Variants in RAI14 observed in about 807,000 individuals in gnomAD.
RAI14 encodes ankycorbin.
Under a neutral mutation model 115.4 loss-of-function variants are expected in RAI14, and 45 were observed. The ratio of observed to expected loss-of-function variants is 0.39; its 90% CI spans 0.31 to 0.50. RAI14 has a LOEUF of 0.50. Among genes scored for constraint, RAI14 ranks in the 20% least tolerant of loss-of-function variants. The pLI, the probability that RAI14 is intolerant of heterozygous loss-of-function variation, is 0.85. For missense variants in RAI14, 939 were observed against 1,131.2 expected (o/e 0.83, Z 2.44); for synonymous variants, 371 against 415.4 (o/e 0.89, Z 1.30).
Position 34,823,304 on chromosome 5 carries a change from A to G in RAI14, c.1462A>G (p.Thr488Ala). 2 of 1,613,980 alleles carry G rather than the reference A, an allele frequency of 1.2e-6. No individual in the cohort carries two copies. ...TGACCTCAGCCAGAAACTTAAAGAAACTCAGAGCAAATACGAGGAGGCTAT... is the reference window on the plus strand; with the variant it reads ...TGACCTCAGCCAGAAACTTAAAGAAGCTCAGAGCAAATACGAGGAGGCTAT... ...SSDLSQKLKETQSKYEEAMKE... is the reference protein window; with the variant it reads ...SSDLSQKLKEAQSKYEEAMKE... The change falls in exon 15 of 18, where the codon ACT (threonine) becomes GCT (alanine). Residue 488 changes from threonine (T) to alanine (A), a missense_variant. Coordinates refer to ENST00000265109, the MANE Select transcript of RAI14 (RefSeq NM_015577.3). This position sits in a 1 kb window ranked among gnomAD's most constrained non-coding sequence, Gnocchi z 4.5.
chr5:34,782,508 C>G (rs1315312305), intron 3 of RAI14, among the ~76,000 whole-genome samples: 2 of 152,218 alleles, frequency 1.3e-5, no homozygotes, highest in African/African-American at 4.8e-5. Flanking sequence ...GCATTAAGTT[C>G]AGGTGTGCCT....
At position 34,680,341 on chromosome 5, in the gene RAI14, C is replaced by G. The variant is rs141410285; in HGVS notation, c.-48-6531C>G. 3.9e-5 allele frequency among the ~76,000 whole-genome samples: 6 copies of G among 152,252 alleles called. No individual in the cohort carries two copies. The East Asian group carries it at 1.2e-3, about 29-fold the overall frequency. On this transcript the variant is annotated intron_variant, in intron 1 of 17. Coordinates refer to ENST00000265109, the MANE Select transcript of RAI14 (RefSeq NM_015577.3). ...AAGCCCAAGGACATGGTGCTGGTCCCTAGCAAGGGACATCTGGTGGCATAA... is the reference window on the plus strand; with the variant it reads ...AAGCCCAAGGACATGGTGCTGGTCCGTAGCAAGGGACATCTGGTGGCATAA...
intron 3 of RAI14, among the ~76,000 whole-genome samples, chr5:34,793,850 G>T (rs1753205532): frequency 6.6e-6 from 1 of 151,978 alleles, no homozygotes; most frequent in Non-Finnish European, 1.5e-5. Flanking sequence ...TCAATTTTAG[G>T]GCTTAGTAAT....
intron 3 of RAI14, among the ~76,000 whole-genome samples, chr5:34,788,839 C>T (rs1335400325): frequency 1.3e-5 from 2 of 152,082 alleles, no homozygotes; most frequent in East Asian, 3.9e-4. Context: ...CATGGTGGCA[C>T]ATACCTGTAA....
intron 7 of RAI14, among the ~76,000 whole-genome samples, chr5:34,808,952 T>A (rs971711066): frequency 6.6e-6 from 1 of 152,186 alleles, no homozygotes; most frequent in African/African-American, 2.4e-5. Context: ...TTATAGGCAG[T>A]ACTGCTCACT....
At position 34,796,014 on chromosome 5, in the gene RAI14, C is replaced by T. The variant is rs771943064; in HGVS notation, c.243C>T (p.Ala81=). 6.2e-7 allele frequency: 1 copy of T among 1,610,078 alleles called. No homozygotes were observed. The highest frequency in any genetic ancestry group is 8.5e-7 in the Non-Finnish European group (1 of 1,176,780). Residue 81 remains alanine, a synonymous_variant, in exon 4 of 18, where the codon GCC becomes GCT. Coordinates refer to ENST00000265109, the MANE Select transcript of RAI14 (RefSeq NM_015577.3). ...TTACACATGGTGTGGATGTGACAGC[C>T]CAAGATACTACCGGTATGTGGTTTT... ...VMITHGVDVT[A]QDTTGHSALH...
intron 2 of RAI14, among the ~76,000 whole-genome samples, chr5:34,704,831 AAG>A: frequency 6.6e-6 from 1 of 152,356 alleles, no homozygotes; most frequent in Non-Finnish European, 1.5e-5. Context: ...AAGTTGGAAA[AAG>A]AAATACTCTT....
Position 34,823,275 on chromosome 5 carries a change from G to A in RAI14, c.1433G>A (p.Ser478Asn). The A allele has an allele frequency of 6.2e-7, 1 of 1,613,822 alleles. No homozygotes were observed. Among genetic ancestry groups the A allele is most frequent in the Non-Finnish European group, 8.5e-7 (1 of 1,179,958 alleles). ...AACAACACTGAGATTTCAGAGAACA[G>A]CTCTGACCTCAGCCAGAAACTTAAA... ...CLNNTEISEN[S>N]SDLSQKLKET... Residue 478 changes from serine to asparagine, a missense_variant, in exon 15 of 18, where the codon AGC (serine) becomes AAC (asparagine). Ser to Asn is a conservative substitution (Grantham distance 46, BLOSUM62 1). Coordinates refer to ENST00000265109, the MANE Select transcript of RAI14 (RefSeq NM_015577.3). The surrounding 1 kb of genome is among the most constrained non-coding windows in gnomAD (Gnocchi z 4.5).
intron 2 of RAI14, among the ~76,000 whole-genome samples, chr5:34,720,401 ATTTTTTTTTTTT>A (rs35380327): frequency 3.7e-5 from 3 of 80,230 alleles, no homozygotes; most frequent in African/African-American, 1.1e-4. Context: ...CCTGTCTCAG[ATTTTTTTTTTTT>A]TTTTTTTTTT....
At chr5:34,812,634 C>T (rs1372120255) in intron 10 of RAI14, among the ~76,000 whole-genome samples, 3 of 151,782 alleles carry the variant, frequency 2.0e-5, no homozygotes, top group Non-Finnish European at 2.9e-5. Flanking sequence ...GATTGCACTC[C>T]ATCCTGGGCA....
intron 2 of RAI14, among the ~76,000 whole-genome samples, chr5:34,696,801 G>C (rs562639427): frequency 9.2e-5 from 14 of 152,362 alleles, no homozygotes; most frequent in African/African-American, 3.4e-4. Context: ...GCAGCATGCT[G>C]CTGTAGGTGA....
intron 10 of RAI14, among the ~76,000 whole-genome samples, chr5:34,813,352 C>T (rs914451577): frequency 6.6e-5 from 10 of 152,160 alleles, no homozygotes; most frequent in Non-Finnish European, 1.3e-4. Context: ...CTGGTTTTGT[C>T]TCATGTGTTT....
chr5:34,783,511 G>A (rs569007170), intron 3 of RAI14, among the ~76,000 whole-genome samples: 2 of 152,250 alleles, frequency 1.3e-5, no homozygotes, highest in East Asian at 3.9e-4. Flanking sequence ...CCAAGTTTTT[G>A]TTATTGGATT....
chr5:34,659,564 A>G (rs1286818454), intron 1 of RAI14, among the ~76,000 whole-genome samples: 1 of 151,592 alleles, frequency 6.6e-6, no homozygotes, highest in African/African-American at 2.4e-5. Flanking sequence ...CTAGTTTTTC[A>G]CTGTTACACT....
intron 2 of RAI14, among the ~76,000 whole-genome samples, chr5:34,728,168 C>T (rs1743710993): frequency 6.6e-6 from 1 of 152,192 alleles, no homozygotes; most frequent in South Asian, 2.1e-4. Context: ...GCTATATTTA[C>T]TCAATGTCTG....
rs922693459 is a variant in RAI14, at chr5:34,791,822, C to A, written c.168-4117C>A. On this transcript the variant is annotated intron_variant, in intron 3 of 17. Coordinates refer to ENST00000265109, the MANE Select transcript of RAI14 (RefSeq NM_015577.3). The surrounding 1 kb of genome is among the most constrained non-coding windows in gnomAD (Gnocchi z 5.4). ...GCTGCAGCTGTGGCTGTGGGAGAGC[C>A]GGCCTGCAAAGCTGTGGCCTTCACA... 6.6e-6 allele frequency among the ~76,000 whole-genome samples: 1 copy of A among 152,198 alleles called. No homozygotes were observed. The highest frequency in any genetic ancestry group is 2.4e-5 in the African/African-American group (1 of 41,446).
intron 2 of RAI14, among the ~76,000 whole-genome samples, chr5:34,724,204 C>T (rs1313757821): frequency 2.6e-5 from 4 of 151,810 alleles, no homozygotes; most frequent in Non-Finnish European, 5.9e-5. Context: ...TTAGTAGAGT[C>T]GGGCTTTCAC....
At chr5:34,794,303 A>G (rs1753257187) in intron 3 of RAI14, among the ~76,000 whole-genome samples, 1 of 150,912 alleles carries the variant, frequency 6.6e-6, no homozygotes, top group Non-Finnish European at 1.5e-5. Flanking sequence ...CATGCCTGTA[A>G]TCCCAGCTAT....
At chr5:34,781,858 G>A (rs942172447) in intron 3 of RAI14, among the ~76,000 whole-genome samples, 1 of 152,132 alleles carries the variant, frequency 6.6e-6, no homozygotes. Flanking sequence ...TACAGAGTGT[G>A]GAGTGGGAAA....
Sources: allele counts gnomAD v4.1 joint callset (sites outside exome capture counted in the v4.1 genomes callset), GRCh38; gene constraint gnomAD v4.1.1; non-coding constraint Gnocchi (gnomAD v3.1); transcripts MANE v1.5; gene names NCBI Gene and HGNC (gene_info 2026-07-23, HGNC 2026-07-21).